Variants in SPIDR observed in about 807,000 individuals in gnomAD.
The protein encoded by SPIDR is DNA repair-scaffolding protein.
Under a neutral mutation model 104.6 loss-of-function variants are expected in SPIDR, and 93 were observed. The observed-to-expected ratio is 0.89, with a 90% confidence interval of 0.75 to 1.06. The LOEUF (loss-of-function observed/expected upper bound fraction) is 1.06, where lower values mean the gene tolerates loss of function less well. SPIDR is among the 50% of genes least tolerant of loss of function. The pLI, the probability that SPIDR is intolerant of heterozygous loss-of-function variation, is 0.00. For synonymous variants in SPIDR, 431 were observed against 416.9 expected (o/e 1.03, Z -0.41); for missense variants, 1,154 against 1,111.2 (o/e 1.04, Z -0.55).
intron 10 of SPIDR, among the ~76,000 whole-genome samples, chr8:47,633,522 GT>G (rs1307913979): frequency 7.2e-6 from 1 of 138,534 alleles, no homozygotes; most frequent in South Asian, 2.4e-4. Flanking sequence ...AAAGATTTAG[GT>G]TTTTTCTTTT....
rs1343149231 is a variant in SPIDR, at chr8:47,271,126, C to T, written c.34-8736C>T. Among the ~76,000 whole-genome samples the T allele has an allele frequency of 5.3e-5, 8 of 152,130 alleles. No individual in the cohort carries two copies. In the South Asian group the frequency reaches 8.3e-4, roughly 16 times the overall value. ...TGTATATGATGAGTTTTGTACATGACGTATATTTTCTTTTGCTACTTTCAT... is the reference window on the plus strand; with the variant it reads ...TGTATATGATGAGTTTTGTACATGATGTATATTTTCTTTTGCTACTTTCAT... On this transcript the variant is annotated intron_variant, in intron 1 of 19. Coordinates refer to ENST00000297423, the MANE Select transcript of SPIDR (RefSeq NM_001080394.4).
chr8:47,330,670 T>C (rs915458547), intron 5 of SPIDR: 4 of 428,890 alleles, frequency 9.3e-6, no homozygotes, highest in Admixed American at 5.2e-5. Flanking sequence ...TTCCTCCATG[T>C]CTTTTCATAG....
At chr8:47,451,432 A>C (rs781936721) in intron 8 of SPIDR, among the ~76,000 whole-genome samples, 2 of 151,950 alleles carry the variant, frequency 1.3e-5, no homozygotes, top group Non-Finnish European at 2.9e-5. Flanking sequence ...AAATGCAAAA[A>C]TTACCTGGAT....
chr8:47,413,849 T>TGTATAGAGTAGGTTG (rs1554673513), intron 7 of SPIDR, among the ~76,000 whole-genome samples: 2 of 152,210 alleles, frequency 1.3e-5, no homozygotes, highest in Non-Finnish European at 2.9e-5. Flanking sequence ...GTTGAGTATA[T>TGTATAGAGTAGGTTG]GCTATAGATG....
chr8:47,338,452 T>G (rs564459008), intron 5 of SPIDR, among the ~76,000 whole-genome samples: 1 of 152,300 alleles, frequency 6.6e-6, no homozygotes, highest in East Asian at 1.9e-4. Context: ...ATTAAATAAA[T>G]GGCATTAATG....
chr8:47,296,646 T>C (rs2040893672), intron 5 of SPIDR, among the ~76,000 whole-genome samples: 1 of 152,202 alleles, frequency 6.6e-6, no homozygotes, highest in African/African-American at 2.4e-5. Context: ...CTGTGCTGTT[T>C]TGGTTACATT....
At chr8:47,499,963 G>T (rs945517781) in intron 8 of SPIDR, among the ~76,000 whole-genome samples, 4 of 152,136 alleles carry the variant, frequency 2.6e-5, no homozygotes, top group Non-Finnish European at 5.9e-5. Context: ...CCCTACAAAG[G>T]ACATGAACTC....
At chr8:47,384,700 C>G (rs528243879) in intron 5 of SPIDR, among the ~76,000 whole-genome samples, 75 of 152,316 alleles carry the variant, frequency 4.9e-4, no homozygotes, top group Non-Finnish European at 9.8e-4. Context: ...TTCCCTCACA[C>G]CCCTGCCGTC....
chr8:47,713,268 T>C (rs1170772041), intron 15 of SPIDR: 1 of 641,070 alleles, frequency 1.6e-6, no homozygotes. Flanking sequence ...TGCCACATAA[T>C]TTACCCTGTG....
rs564570072 is a variant in SPIDR at position 47,396,364 on chromosome 8, A to AT, written c.526-4dup. On this transcript the variant is annotated splice_polypyrimidine_tract_variant and intron_variant, in intron 5 of 19. Coordinates refer to ENST00000297423, the MANE Select transcript of SPIDR (RefSeq NM_001080394.4). ...TATTTAAAAATATGCCTTTCTTTTA[A>AT]TTTTTTTTCAGCCAAGTTCTATAGA... is the stretch of plus-strand genomic sequence containing the variant. The AT allele has an allele frequency of 1.1e-5, 18 of 1,567,510 alleles. No homozygotes were observed. Among genetic ancestry groups the AT allele is most frequent in the African/African-American group, 6.8e-5 (5 of 73,292 alleles).
intron 6 of SPIDR, among the ~76,000 whole-genome samples, chr8:47,397,567 A>T (rs2061380925): frequency 6.6e-6 from 1 of 152,176 alleles, no homozygotes; most frequent in African/African-American, 2.4e-5. Context: ...AAAGTAATAG[A>T]GCATTTCAAA....
chr8:47,681,420 A>G (rs568554665), intron 11 of SPIDR, among the ~76,000 whole-genome samples: 108 of 152,252 alleles, frequency 7.1e-4, no homozygotes, highest in African/African-American at 2.1e-3. Context: ...AGTAAGCTCT[A>G]CAAAACATTT....
chr8:47,436,684 C>A (rs1367578360), intron 7 of SPIDR, among the ~76,000 whole-genome samples: 2 of 152,198 alleles, frequency 1.3e-5, no homozygotes, highest in Non-Finnish European at 2.9e-5. Flanking sequence ...CAAGGTCATA[C>A]CATTGTACTC....
intron 8 of SPIDR, among the ~76,000 whole-genome samples, chr8:47,595,543 A>G (rs964909464): frequency 6.6e-6 from 1 of 152,158 alleles, no homozygotes; most frequent in Non-Finnish European, 1.5e-5. Context: ...AGGGGTCTTG[A>G]GGCCATACTG....
At chr8:47,672,149 C>T (rs894267734) in intron 10 of SPIDR, among the ~76,000 whole-genome samples, 3 of 152,150 alleles carry the variant, frequency 2.0e-5, no homozygotes, top group Non-Finnish European at 4.4e-5. Context: ...TTCCTAGAGA[C>T]AAGATCTCAA....
intron 3 of SPIDR, 46 bp downstream of exon 3, chr8:47,284,140 A>G (rs898080502): frequency 1.4e-6 from 2 of 1,465,248 alleles, no homozygotes; most frequent in Admixed American, 1.9e-5. Context: ...TAAGACTAAT[A>G]AATCCTTCTG....
At chr8:47,699,262 G>A (rs1023030001) in intron 11 of SPIDR, among the ~76,000 whole-genome samples, 2 of 152,218 alleles carry the variant, frequency 1.3e-5, no homozygotes, top group Non-Finnish European at 1.5e-5. Flanking sequence ...CTGCACATAC[G>A]TTCTTTACTT....
At chr8:47,289,170 C>G (rs973095317) in intron 3 of SPIDR, among the ~76,000 whole-genome samples, 4 of 152,002 alleles carry the variant, frequency 2.6e-5, no homozygotes, top group Admixed American at 1.3e-4. Flanking sequence ...ACCACTGTGC[C>G]CAGCTAATTT....
intron 11 of SPIDR, among the ~76,000 whole-genome samples, chr8:47,695,116 G>A (rs999951839): frequency 6.6e-6 from 1 of 151,938 alleles, no homozygotes; most frequent in African/African-American, 2.4e-5. Context: ...AAACACCACT[G>A]TACACTCATG....
Sources: gnomAD v4.1 joint callset for allele counts (sites outside exome capture counted in the v4.1 genomes callset) on GRCh38, gnomAD v4.1.1 for gene constraint, MANE v1.5 for transcripts, NCBI Gene and HGNC (gene_info 2026-07-23, HGNC 2026-07-21) for gene names.